The following ZNF600 variants were observed in gnomAD, a reference collection of about 807,000 sequenced individuals.
ZNF600 encodes the protein zinc finger protein KR-ZNF1.
Under a neutral mutation model 7.3 loss-of-function variants are expected in ZNF600, and 4 were observed. The ratio of observed to expected loss-of-function variants is 0.55; its 90% CI spans 0.27 to 1.25. ZNF600 has a LOEUF of 1.25. Among genes scored for constraint, ZNF600 ranks in the 50% most tolerant of loss-of-function variants. The pLI, the probability that ZNF600 is intolerant of heterozygous loss-of-function variation, is 0.12. For synonymous variants in ZNF600, 290 were observed against 308.9 expected, an observed-to-expected ratio of 0.94 and a Z score of 0.64; for missense variants, 911 against 922.1, an observed-to-expected ratio of 0.99 and a Z score of 0.16.
chr19:52,806,679 G>A, the ZNF600 span, among the ~76,000 whole-genome samples: 1 of 151,920 alleles, frequency 6.6e-6, no homozygotes, highest in African/African-American at 2.4e-5. Flanking sequence ...AGGCAAGTGG[G>A]TCACTTGAGA....
chr19:52,816,995 C>T, the ZNF600 span, among the ~76,000 whole-genome samples: 2 of 152,018 alleles, frequency 1.3e-5, no homozygotes, highest in African/African-American at 2.4e-5. Flanking sequence ...CACAGTAACA[C>T]CATAGTCTCC....
chr19:52,816,133 A>G, the ZNF600 span, among the ~76,000 whole-genome samples: 14 of 147,518 alleles, frequency 9.5e-5, 2 homozygotes, highest in Admixed American at 6.1e-4. Flanking sequence ...GAGATGCCTT[A>G]TGGCAAAGGG....
At chr19:52,765,073 G>T in exon 4 of ZNF600, 1 of 354,874 alleles carries the variant, frequency 2.8e-6, no homozygotes, top group Non-Finnish European at 5.6e-6. Context: ...GTCAATTAAG[G>T]GTTGAACTCA....
the ZNF600 span, chr19:52,810,033 C>T: frequency 2.1e-4 from 153 of 738,440 alleles, 1 homozygote; most frequent in Admixed American, 2.9e-3. Flanking sequence ...CGAAGAGGAG[C>T]CGCTCCAGCC....
At chr19:52,768,138 T>C (rs1259600919) in intron 3 of ZNF600, among the ~76,000 whole-genome samples, 6 of 151,688 alleles carry the variant, frequency 4.0e-5, no homozygotes, top group African/African-American at 9.7e-5. Flanking sequence ...AAACCATATT[T>C]ACTGTGTACA....
intron 3 of ZNF600, among the ~76,000 whole-genome samples, chr19:52,769,642 T>G (rs111955940): frequency 0.043 from 6,533 of 152,228 alleles, 450 homozygotes; most frequent in African/African-American, 0.14. Context: ...CAGCTGTCTT[T>G]TCTTTTATCT....
At chr19:52,790,997 T>A (rs1176653487), upstream of ZNF600, among the ~76,000 whole-genome samples, 1 of 149,480 alleles carries the variant, frequency 6.7e-6, no homozygotes, top group East Asian at 2.0e-4. Flanking sequence ...GCTGTCTCTT[T>A]AAAAAAAAAA....
At chr19:52,793,525 GAA>G in the ZNF600 span, among the ~76,000 whole-genome samples, 1 of 152,188 alleles carries the variant, frequency 6.6e-6, no homozygotes, top group African/African-American at 2.4e-5. Flanking sequence ...TGGAGCAGTG[GAA>G]GAGAGAAGGG....
At chr19:52,800,668 T>C in the ZNF600 span, 9 of 1,613,370 alleles carry the variant, frequency 5.6e-6, no homozygotes, top group African/African-American at 1.3e-5. Context: ...GATTTGCGAC[T>C]GAAAACTTTT....
chr19:52,802,239 C>T, the ZNF600 span, among the ~76,000 whole-genome samples: 3 of 152,068 alleles, frequency 2.0e-5, no homozygotes, highest in South Asian at 4.1e-4. Flanking sequence ...TATGGTGGCC[C>T]GTGCCTGTAC....
At chr19:52,779,207 AG>A (rs2062700991) in intron 1 of ZNF600, among the ~76,000 whole-genome samples, 1 of 152,166 alleles carries the variant, frequency 6.6e-6, no homozygotes, top group African/African-American at 2.4e-5. Flanking sequence ...CCCCATCCAG[AG>A]GACAGCCCCT....
chr19:52,800,259 C>G, the ZNF600 span: 1 of 1,613,316 alleles, frequency 6.2e-7, no homozygotes, highest in Non-Finnish European at 8.5e-7. Context: ...AAAAACCTTG[C>G]CACATTCATT....
the ZNF600 span, chr19:52,809,720 G>T: frequency 2.5e-6 from 1 of 399,926 alleles, no homozygotes; most frequent in Non-Finnish European, 4.4e-6. Context: ...GCAGCAAAAC[G>T]CTTTAACCCA....
exon 4 of ZNF600, chr19:52,765,460 C>A: frequency 7.3e-7 from 1 of 1,377,574 alleles, no homozygotes; most frequent in South Asian, 1.2e-5. Context: ...CAATGAACTG[C>A]AATGTATGAA....
chr19:52,815,845 G>A, the ZNF600 span, among the ~76,000 whole-genome samples: 4 of 145,292 alleles, frequency 2.8e-5, no homozygotes, highest in Non-Finnish European at 4.4e-5. Context: ...AATAACTATC[G>A]TGTACTGGCC....
chr19:52,786,874 G>C (rs1206397749), upstream of ZNF600: 3 of 203,258 alleles, frequency 1.5e-5, no homozygotes, highest in Admixed American at 9.2e-5. Context: ...CTTTAGAACC[G>C]GCAGAGGGAG....
chr19:52,823,577 T>C, the ZNF600 span, among the ~76,000 whole-genome samples: 1 of 152,184 alleles, frequency 6.6e-6, no homozygotes, highest in Non-Finnish European at 1.5e-5. Flanking sequence ...ACCACGTTCC[T>C]CTCAAAGCTC....
upstream of ZNF600, among the ~76,000 whole-genome samples, chr19:52,790,165 C>T (rs527585135): frequency 4.6e-5 from 7 of 152,264 alleles, no homozygotes; most frequent in Non-Finnish European, 8.8e-5. Context: ...GCCATCTGGG[C>T]GTATACGTGC....
At chr19:52,779,129 C>A (rs1218222759) in intron 1 of ZNF600, among the ~76,000 whole-genome samples, 2 of 152,198 alleles carry the variant, frequency 1.3e-5, no homozygotes, top group East Asian at 3.9e-4. Context: ...CCCCCACACA[C>A]TAGGCAGCAG....
Sources: gnomAD v4.1 joint callset for allele counts (sites outside exome capture counted in the v4.1 genomes callset) on GRCh38, gnomAD v4.1.1 for gene constraint, MANE v1.5 for transcripts, NCBI Gene and HGNC (gene_info 2026-07-23, HGNC 2026-07-21) for gene names.